The following CFAP418 variants were observed in gnomAD, a reference collection of about 807,000 sequenced individuals.
The protein encoded by CFAP418 is cilia and flagella associated protein 418.
A neutral mutation model predicts 24.7 loss-of-function variants in CFAP418; 27 were observed. The observed-to-expected ratio is 1.09, with a 90% CI of 0.81 to 1.51. The LOEUF is 1.51. CFAP418 is among the 40% of genes most tolerant of loss of function. CFAP418 has a pLI of 0.00. For synonymous variants in CFAP418, 74 were observed against 87.3 expected (o/e 0.85, Z 0.85); for missense variants, 257 against 255.2 (o/e 1.01, Z -0.05).
intron 5 of CFAP418, among the ~76,000 whole-genome samples, chr8:95,250,591 G>T (rs576115779): frequency 6.6e-6 from 1 of 152,284 alleles, no homozygotes; most frequent in East Asian, 1.9e-4. Context: ...AGATTAACTA[G>T]TAGACAGTAA....
intron 1 of CFAP418, 28 bp from the exon 2 acceptor site, chr8:95,263,802 C>T (rs1811932130): frequency 7.2e-7 from 1 of 1,388,676 alleles, no homozygotes; most frequent in Admixed American, 1.7e-5. Flanking sequence ...ACAAAGAAAA[C>T]TTACCTGAGG....
intron 5 of CFAP418, among the ~76,000 whole-genome samples, 159 bp from the exon 6 acceptor site, chr8:95,247,929 C>T (rs1811649864): frequency 6.6e-6 from 1 of 151,986 alleles, no homozygotes; most frequent in Non-Finnish European, 1.5e-5. Context: ...TCATGGCTCA[C>T]TGCAGCCTTG....
intron 4 of CFAP418, 70 bp downstream of exon 4, chr8:95,259,770 C>T (rs894107690): frequency 8.2e-6 from 9 of 1,094,106 alleles, no homozygotes; most frequent in Non-Finnish European, 1.1e-5. Flanking sequence ...ATGATAACTA[C>T]ATTTTAACAA....
At chr8:95,258,210 G>A (rs1414398560) in intron 4 of CFAP418, among the ~76,000 whole-genome samples, 23 of 151,834 alleles carry the variant, frequency 1.5e-4, no homozygotes, top group Admixed American at 1.3e-3. Flanking sequence ...GTGAAACCCC[G>A]TCTCTACTAA....
chr8:95,262,059 T>C (rs1041127558), intron 2 of CFAP418, among the ~76,000 whole-genome samples: 3 of 152,226 alleles, frequency 2.0e-5, no homozygotes, highest in South Asian at 4.1e-4. Context: ...AGTCCACTTA[T>C]ATGTGGAATT....
intron 1 of CFAP418, among the ~76,000 whole-genome samples, chr8:95,265,723 A>C (rs1287394376): frequency 6.6e-6 from 1 of 152,200 alleles, no homozygotes; most frequent in African/African-American, 2.4e-5. Context: ...ACCAGCTTAC[A>C]TAAGATTCTG....
Position 95,246,426 on chromosome 8 carries a change from T to C in CFAP418, c.*1191A>G, listed in dbSNP as rs1257940830. On this transcript the variant is annotated 3_prime_UTR_variant, in exon 6 of 6. Transcript: ENST00000286688. ...TAGGAAAAGGATTCTAATGATCAGA[T>C]CTTCCTCCCTTCAGTAGGGTGGCTG... is the stretch of plus-strand genomic sequence containing the variant. 1.3e-5 allele frequency: 2 copies of C among 152,262 alleles called. No individual in the cohort carries two copies. The highest frequency in any genetic ancestry group is 4.8e-5 in the African/African-American group (2 of 41,472). The allele number at this position is 152,262 out of a possible 1,614,324, so 9.4% of individuals were successfully genotyped here. A position where few individuals can be genotyped will look rare whatever the true frequency, so the allele number is the denominator to read the frequency against.
chr8:95,267,622 C>T (rs775620795), intron 1 of CFAP418, among the ~76,000 whole-genome samples: 2 of 152,054 alleles, frequency 1.3e-5, no homozygotes, highest in Non-Finnish European at 1.5e-5. Flanking sequence ...ATAAATATCA[C>T]TGGAGGTAAG....
intron 5 of CFAP418, among the ~76,000 whole-genome samples, chr8:95,248,376 T>A (rs986164152): frequency 2.0e-5 from 3 of 152,138 alleles, no homozygotes; most frequent in African/African-American, 7.2e-5. Flanking sequence ...GTGGAAAGGA[T>A]GGTGGTTCAT....
At chr8:95,247,898 G>T in intron 5 of CFAP418, 128 bp from the exon 6 acceptor site, 2 of 979,432 alleles carry the variant, frequency 2.0e-6, no homozygotes, top group Admixed American at 3.1e-5. Flanking sequence ...TTGTTACTCA[G>T]GCTGGATTGC....
At chr8:95,252,324 ATC>A in intron 4 of CFAP418, 41 bp from the exon 5 acceptor site, 1 of 1,282,818 alleles carries the variant, frequency 7.8e-7, no homozygotes, top group Non-Finnish European at 1.1e-6. Flanking sequence ...GATTATTGGT[ATC>A]TTTAAATACC....
At chr8:95,259,724 A>C (rs1811853676) in intron 4 of CFAP418, 116 bp downstream of exon 4, 3 of 777,496 alleles carry the variant, frequency 3.9e-6, no homozygotes, top group Middle Eastern at 2.3e-4. Flanking sequence ...TTAGCTAATA[A>C]AAATACCTCT....
At chr8:95,254,969 A>G (rs1189374809) in intron 4 of CFAP418, among the ~76,000 whole-genome samples, 3 of 152,190 alleles carry the variant, frequency 2.0e-5, no homozygotes, top group South Asian at 2.1e-4. Context: ...TGTCAATTCT[A>G]TATTCTAAAT....
At chr8:95,247,815 T>C in intron 5 of CFAP418, 45 bp from the exon 6 acceptor site, 1 of 1,447,270 alleles carries the variant, frequency 6.9e-7, no homozygotes, top group Non-Finnish European at 9.2e-7. Context: ...CTTTGTTCAG[T>C]GCTTAATGAT....
At position 95,251,831 on chromosome 8, in the gene CFAP418, A is replaced by G. The variant is rs552147701; in HGVS notation, c.470+357T>C. Among the ~76,000 whole-genome samples the G allele has an allele frequency of 2.6e-5, 4 of 152,334 alleles. No individual in the cohort carries two copies. The South Asian group carries it at 8.3e-4, about 32-fold the overall frequency. On this transcript the variant is annotated intron_variant, in intron 5 of 5. Transcript: ENST00000286688. The stretch of plus-strand genomic sequence containing the variant: ...ACAAACCTAGATGGTATAGCCTACC[A>G]CACACCTAGGCTATATGGTATAGGC...
chr8:95,260,712 T>G (rs1811873623), intron 2 of CFAP418, among the ~76,000 whole-genome samples, 180 bp from the exon 3 acceptor site: 1 of 152,152 alleles, frequency 6.6e-6, no homozygotes, highest in Non-Finnish European at 1.5e-5. Context: ...AAAAGGGAAG[T>G]AGAACTCCCT....
intron 2 of CFAP418, among the ~76,000 whole-genome samples, chr8:95,263,122 T>C (rs1464476345): frequency 6.6e-6 from 1 of 152,056 alleles, no homozygotes; most frequent in African/African-American, 2.4e-5. Context: ...TGTACTTCTT[T>C]TTAAAAAAAA....
Position 95,263,637 on chromosome 8 carries a change from T to A in CFAP418, c.243+50A>T, listed in dbSNP as rs372022413. 4.7e-5 allele frequency: 54 copies of A among 1,159,406 alleles called. 1 individual carries two copies. In the Admixed American group the frequency reaches 9.0e-4, roughly 19 times the overall value. The allele number at this position is 1,159,406 out of a possible 1,614,324, so 71.8% of individuals were successfully genotyped here. On this transcript the variant is annotated intron_variant, in intron 2 of 5. Coordinates refer to ENST00000286688, the MANE Select transcript of CFAP418 (RefSeq NM_177965.4). ...GTCATCTTTAAGACTATTCTAAACA[T>A]GTCTTGAAATAATGACAGAATTACT...
intron 1 of CFAP418, 92 bp downstream of exon 1, chr8:95,268,943 G>T: frequency 7.2e-7 from 1 of 1,389,602 alleles, no homozygotes; most frequent in Non-Finnish European, 9.9e-7. Context: ...GAGGTCGCGG[G>T]CACGTTTCTT....
Sources: allele counts gnomAD v4.1 joint callset (sites outside exome capture counted in the v4.1 genomes callset), GRCh38; gene constraint gnomAD v4.1.1; transcripts MANE v1.5; gene names NCBI Gene and HGNC (gene_info 2026-07-23, HGNC 2026-07-21).